Variants in ARHGAP39 observed in about 807,000 individuals in gnomAD.
ARHGAP39 encodes rho GTPase-activating protein 39.
In ARHGAP39, 44 loss-of-function variants were observed where a neutral mutation model predicts 106.9. That is an observed-to-expected ratio of 0.41 (90% CI 0.32 to 0.53). ARHGAP39 has a LOEUF of 0.53. Among genes scored for constraint, ARHGAP39 ranks in the 20% least tolerant of loss-of-function variants. The probability of loss-of-function intolerance (pLI) is 0.21; values close to 1 mark genes in which losing one functional copy is unlikely to be tolerated. For missense variants in ARHGAP39, 1,496 were observed against 1,577.3 expected (o/e 0.95, Z 0.87); for synonymous variants, 768 against 693.2 (o/e 1.11, Z -1.69).
chr8:144,532,086 G>A (rs1296871447), intron 10 of ARHGAP39, among the ~76,000 whole-genome samples: 3 of 151,858 alleles, frequency 2.0e-5, no homozygotes. Context: ...GGAGCAGCAG[G>A]TGGGGAGTGG....
At position 144,679,717 on chromosome 8, in the gene ARHGAP39, A is replaced by AAAGCCGG. The variant is rs1357093181; in HGVS notation, c.-82+5968_-82+5969insCCGGCTT. Among the ~76,000 whole-genome samples the AAAGCCGG allele has an allele frequency of 6.6e-5, 10 of 152,328 alleles. No individual in the cohort carries two copies. The South Asian group carries it at 2.1e-3, about 32-fold the overall frequency. ...AAATCTAGGCCGGGCGCAGTGTCTC[A>AAAGCCGG]CGCCTGTAATCCCAGCACTTTGGGA... On this transcript the variant is annotated intron_variant, in intron 1 of 11. Coordinates refer to ENST00000377307, the MANE Select transcript of ARHGAP39 (RefSeq NM_025251.3). The surrounding 1 kb of genome is among the most constrained non-coding windows in gnomAD (Gnocchi z 4.7).
At chr8:144,662,730 AT>A (rs1821863787) in intron 1 of ARHGAP39, among the ~76,000 whole-genome samples, 2 of 131,132 alleles carry the variant, frequency 1.5e-5, no homozygotes, top group Admixed American at 7.7e-5. Flanking sequence ...CCGCCTCCCC[AT>A]TATCCACCTT....
chr8:144,673,666 G>A (rs769111252), intron 1 of ARHGAP39, among the ~76,000 whole-genome samples: 9 of 152,296 alleles, frequency 5.9e-5, no homozygotes, highest in Middle Eastern at 3.4e-3. Context: ...GCCAGAAACC[G>A]CTGTGGCCAG....
Position 144,533,109 on chromosome 8 carries a change from C to A in ARHGAP39, c.2888+17G>T. The A allele has an allele frequency of 2.5e-6, 4 of 1,592,160 alleles. No individual in the cohort carries two copies. The highest frequency in any genetic ancestry group is 3.4e-6 in the Non-Finnish European group (4 of 1,170,762). On this transcript the variant is annotated intron_variant, in intron 9 of 11. Transcript: ENST00000377307. The stretch of plus-strand genomic sequence containing the variant: ...GGCTGTGGCCCCCACACCCGGCGCC[C>A]GGGGTTGCCGTGGCACCTGAAGATG...
At chr8:144,623,712 G>C (rs1820864154) in intron 1 of ARHGAP39, among the ~76,000 whole-genome samples, 1 of 152,208 alleles carries the variant, frequency 6.6e-6, no homozygotes, top group Admixed American at 6.5e-5. Flanking sequence ...TCACCATCCA[G>C]GGAGTGTCTC....
At chr8:144,536,880 T>G (rs1220443303) in intron 7 of ARHGAP39, among the ~76,000 whole-genome samples, 1 of 152,158 alleles carries the variant, frequency 6.6e-6, no homozygotes, top group Non-Finnish European at 1.5e-5. Flanking sequence ...CAGCATGCAG[T>G]CAGGGATGGC....
At chr8:144,682,244 C>CAAAA (rs1199836499) in intron 1 of ARHGAP39, among the ~76,000 whole-genome samples, 1 of 30,674 alleles carries the variant, frequency 3.3e-5, no homozygotes, top group Non-Finnish European at 5.9e-5. Context: ...GACTCTATCT[C>CAAAA]AAAAAAAAAA....
At chr8:144,551,385 G>A (rs568361951) in intron 4 of ARHGAP39, among the ~76,000 whole-genome samples, 2 of 152,274 alleles carry the variant, frequency 1.3e-5, no homozygotes, top group South Asian at 2.1e-4. Context: ...CCCACATGCC[G>A]ATGATCCCGC....
At chr8:144,631,024 T>C (rs193267780) in intron 1 of ARHGAP39, among the ~76,000 whole-genome samples, 374 of 152,366 alleles carry the variant, frequency 2.5e-3, no homozygotes, top group African/African-American at 8.3e-3. Flanking sequence ...CTCTGACTCA[T>C]GGCGGAAGGC....
intron 1 of ARHGAP39, among the ~76,000 whole-genome samples, chr8:144,617,302 G>A (rs1240928993): frequency 3.3e-5 from 5 of 151,332 alleles, no homozygotes; most frequent in African/African-American, 9.7e-5. Flanking sequence ...GGCACCTCAC[G>A]TCTCAAAGGG....
chr8:144,629,560 T>A (rs1456074240), intron 1 of ARHGAP39, among the ~76,000 whole-genome samples: 2 of 152,248 alleles, frequency 1.3e-5, no homozygotes, highest in Non-Finnish European at 2.9e-5. Flanking sequence ...TTCAGAAGTC[T>A]GAGCTTTGGA....
chr8:144,633,602 T>C (rs940362651), intron 1 of ARHGAP39, among the ~76,000 whole-genome samples: 2 of 152,264 alleles, frequency 1.3e-5, no homozygotes, highest in Non-Finnish European at 2.9e-5. Flanking sequence ...ATGAATTTCA[T>C]GGAGTTTACT....
chr8:144,601,129 G>A (rs1389151858), intron 2 of ARHGAP39, among the ~76,000 whole-genome samples: 2 of 136,230 alleles, frequency 1.5e-5, no homozygotes, highest in African/African-American at 5.5e-5. Context: ...TGTGTGCATG[G>A]AGGCGTGCAT....
At chr8:144,562,003 C>T (rs1388549750) in intron 3 of ARHGAP39, among the ~76,000 whole-genome samples, 1 of 151,164 alleles carries the variant, frequency 6.6e-6, no homozygotes, top group Non-Finnish European at 1.5e-5. Context: ...TTCCATCACA[C>T]TCCAGTGGTT....
chr8:144,628,298 T>C (rs922014001), intron 1 of ARHGAP39, among the ~76,000 whole-genome samples: 10 of 151,974 alleles, frequency 6.6e-5, no homozygotes, highest in South Asian at 2.1e-4. Flanking sequence ...CAGTGAACAT[T>C]TGCCAGGTAA....
Position 144,605,698 on chromosome 8 carries a change from G to A in ARHGAP39, c.-81-3C>T. 2.2e-6 allele frequency: 3 copies of A among 1,364,656 alleles called. 1 individual carries two copies. In the South Asian group the frequency reaches 3.5e-5, roughly 16 times the overall value. The allele number at this position is 1,364,656 out of a possible 1,614,324, so 84.5% of individuals were successfully genotyped here. On this transcript the variant is annotated splice_polypyrimidine_tract_variant and splice_region_variant and intron_variant, in intron 1 of 11. Transcript: ENST00000377307. The stretch of plus-strand genomic sequence containing the variant: ...GCATCAGACGGGAAGGTGCCGCACT[G>A]CAAGAGGGGAGAAGCAACAGTGCTG...
At chr8:144,686,121 A>G (rs976142210), upstream of ARHGAP39, among the ~76,000 whole-genome samples, 1 of 150,934 alleles carries the variant, frequency 6.6e-6, no homozygotes, top group Non-Finnish European at 1.5e-5. Flanking sequence ...CAGAGCAGTT[A>G]CCATCTGACA....
At chr8:144,544,295 C>G (rs980696937) in intron 6 of ARHGAP39, among the ~76,000 whole-genome samples, 4 of 152,230 alleles carry the variant, frequency 2.6e-5, no homozygotes, top group South Asian at 2.1e-4. Flanking sequence ...CACCCTGCCT[C>G]TGTGTGCCCA....
intron 1 of ARHGAP39, among the ~76,000 whole-genome samples, chr8:144,630,271 A>T (rs375936275): frequency 1.2e-4 from 18 of 152,314 alleles, no homozygotes; most frequent in African/African-American, 3.4e-4. Flanking sequence ...TTCCTGAAAA[A>T]TGTTAGATGG....
Sources: gnomAD v4.1 joint callset for allele counts (sites outside exome capture counted in the v4.1 genomes callset) on GRCh38, gnomAD v4.1.1 for gene constraint, Gnocchi (gnomAD v3.1) non-coding constraint, MANE v1.5 for transcripts, NCBI Gene and HGNC (gene_info 2026-07-23, HGNC 2026-07-21) for gene names.